The following MAPK10 variants were observed in gnomAD, a reference collection of about 807,000 sequenced individuals.
MAPK10 encodes mitogen-activated protein kinase 10.
MAPK10 carries 25 observed loss-of-function variants against 59.3 expected under a neutral mutation model. That is an observed-to-expected ratio of 0.42 (90% CI 0.31 to 0.59). The LOEUF is 0.59. Among genes scored for constraint, MAPK10 ranks in the 20% least tolerant of loss-of-function variants. The pLI is 0.15. For missense variants in MAPK10, 351 were observed against 568.9 expected (o/e 0.62, Z 3.90); for synonymous variants, 190 against 200.5 (o/e 0.95, Z 0.44).
intron 9 of MAPK10, chr4:86,081,538 T>C (rs2050656166): frequency 6.6e-6 from 1 of 152,042 alleles, no homozygotes; most frequent in Non-Finnish European, 1.5e-5. Context: ...TGTTCATTCT[T>C]TGTTTATAAA....
At chr4:86,172,735 T>C (rs1398482964) in intron 3 of MAPK10, among the ~76,000 whole-genome samples, 1 of 150,024 alleles carries the variant, frequency 6.7e-6, no homozygotes, top group African/African-American at 2.4e-5. Context: ...AATAATAAAA[T>C]TGTAAAGAAA....
At chr4:86,545,948 C>A (rs1221728787) in intron 1 of MAPK10, among the ~76,000 whole-genome samples, 3 of 152,182 alleles carry the variant, frequency 2.0e-5, no homozygotes, top group Admixed American at 2.0e-4. Flanking sequence ...ATGCAGGGCT[C>A]CTTGTTCAAA....
intron 2 of MAPK10, among the ~76,000 whole-genome samples, chr4:86,245,031 TA>T (rs1306599374): frequency 6.6e-6 from 1 of 152,208 alleles, no homozygotes; most frequent in African/African-American, 2.4e-5. Context: ...TAAACATTAA[TA>T]TAGCTATCTC....
intron 2 of MAPK10, among the ~76,000 whole-genome samples, chr4:86,247,472 A>C (rs1318770452): frequency 1.3e-5 from 2 of 152,226 alleles, no homozygotes; most frequent in Non-Finnish European, 2.9e-5. Context: ...TTAATTGGAC[A>C]AAGATTTATT....
intron 2 of MAPK10, among the ~76,000 whole-genome samples, chr4:86,312,331 A>ACT (rs1272299138): frequency 1.3e-5 from 2 of 151,972 alleles, no homozygotes; most frequent in Non-Finnish European, 2.9e-5. Flanking sequence ...GCTTTCTTGG[A>ACT]CTCTATATAC....
chr4:86,017,422 C>G lies in MAPK10; in HGVS notation c.1253-52G>C, dbSNP rs1553904613. 6.2e-7 allele frequency: 1 copy of G among 1,603,750 alleles called. No individual in the cohort carries two copies. Among genetic ancestry groups the G allele is most frequent in the Non-Finnish European group, 8.5e-7 (1 of 1,172,932 alleles). On this transcript the variant is annotated intron_variant, in intron 13 of 13. Transcript: ENST00000641462. The surrounding 1 kb of genome is among the most constrained non-coding windows in gnomAD (Gnocchi z 4.4). ...TGACTCAATCTAGAACCAGACCCATCTTAATGCCATTCAGGATTCAGGGAT... is the reference window on the plus strand; with the variant it reads ...TGACTCAATCTAGAACCAGACCCATGTTAATGCCATTCAGGATTCAGGGAT...
At position 86,329,405 on chromosome 4, in the gene MAPK10, T is replaced by C. The variant is rs2096099029; in HGVS notation, c.-7+25125A>G. 5.3e-5 allele frequency among the ~76,000 whole-genome samples: 8 copies of C among 152,362 alleles called. No individual in the cohort carries two copies. In the South Asian group the frequency reaches 1.7e-3, roughly 32 times the overall value. ...ACCCTTTTTTATATTTTTATTATTA[T>C]AGAGATTAAAACTACATTTAATCTA... On this transcript the variant is annotated intron_variant, in intron 2 of 13. Transcript: ENST00000641462.
chr4:86,077,892 G>A (rs553027618), intron 9 of MAPK10, among the ~76,000 whole-genome samples: 1 of 152,256 alleles, frequency 6.6e-6, no homozygotes, highest in African/African-American at 2.4e-5. Context: ...TATTAGCTTC[G>A]TAGGAAAGAA....
At chr4:86,540,492 C>T (rs1292563783) in intron 1 of MAPK10, among the ~76,000 whole-genome samples, 1 of 151,870 alleles carries the variant, frequency 6.6e-6, no homozygotes, top group Non-Finnish European at 1.5e-5. Context: ...AGAGTGAGAC[C>T]CTGTCTCAAA....
intron 1 of MAPK10, among the ~76,000 whole-genome samples, chr4:86,431,420 G>A (rs1328621976): frequency 4.6e-5 from 7 of 152,106 alleles, no homozygotes; most frequent in African/African-American, 1.7e-4. Context: ...ATGCCAGTTT[G>A]GCAGTTTAGA....
rs1358159098 is a variant in MAPK10 at position 86,064,250 on chromosome 4, G to A, written c.1110+16C>T. The A allele has an allele frequency of 1.9e-6, 3 of 1,613,428 alleles. No homozygotes were observed. Among genetic ancestry groups the A allele is most frequent in the Middle Eastern group, 3.3e-4 (2 of 6,056 alleles). ...ATTTGTTTGTGGAAGCAAAGTAAAGGCAGCCTATTTCTTACCGCCTCCACT... is the reference window on the plus strand; with the variant it reads ...ATTTGTTTGTGGAAGCAAAGTAAAGACAGCCTATTTCTTACCGCCTCCACT... On this transcript the variant is annotated intron_variant, in intron 11 of 13. Transcript: ENST00000641462.
chr4:86,236,518 G>C (rs1052823084), intron 2 of MAPK10, among the ~76,000 whole-genome samples: 1 of 152,204 alleles, frequency 6.6e-6, no homozygotes, highest in South Asian at 2.1e-4. Context: ...AGGAGACTGT[G>C]TTCCAAAACA....
intron 4 of MAPK10, among the ~76,000 whole-genome samples, chr4:86,157,964 C>G (rs1255590586): frequency 2.0e-5 from 3 of 151,828 alleles, no homozygotes; most frequent in African/African-American, 7.3e-5. Context: ...GAATCTTAGT[C>G]AGGAAAACTT....
intron 1 of MAPK10, among the ~76,000 whole-genome samples, chr4:86,413,390 T>C (rs1183461134): frequency 1.3e-5 from 2 of 152,176 alleles, no homozygotes; most frequent in African/African-American, 4.8e-5. Context: ...AGGCAGTCTG[T>C]CCAATCTTGG....
chr4:86,445,113 T>C (rs774434309), intron 1 of MAPK10, among the ~76,000 whole-genome samples: 2 of 152,170 alleles, frequency 1.3e-5, no homozygotes. Flanking sequence ...CAAAGATACA[T>C]GCACACATAT....
chr4:86,293,931 C>T (rs183012700), intron 2 of MAPK10, among the ~76,000 whole-genome samples: 3 of 152,260 alleles, frequency 2.0e-5, no homozygotes, highest in East Asian at 3.9e-4. Flanking sequence ...CATGGGATTC[C>T]GAGGAGACAA....
chr4:86,417,990 C>A (rs1746068197), intron 1 of MAPK10, among the ~76,000 whole-genome samples: 1 of 152,186 alleles, frequency 6.6e-6, no homozygotes, highest in Non-Finnish European at 1.5e-5. Flanking sequence ...TGAACTAACC[C>A]TTTTCTCTGA....
intron 2 of MAPK10, among the ~76,000 whole-genome samples, chr4:86,216,256 C>T (rs1204559713): frequency 1.4e-5 from 2 of 137,972 alleles, no homozygotes; most frequent in Non-Finnish European, 3.1e-5. Flanking sequence ...GCAAAATGTG[C>T]TATATATATA....
At chr4:86,564,492 T>C (rs1230127986) in intron 1 of MAPK10, among the ~76,000 whole-genome samples, 1 of 152,148 alleles carries the variant, frequency 6.6e-6, no homozygotes, top group East Asian at 1.9e-4. Context: ...AGATATAGTA[T>C]ACAACTGAAA....
Sources: allele counts gnomAD v4.1 joint callset (sites outside exome capture counted in the v4.1 genomes callset), GRCh38; gene constraint gnomAD v4.1.1; non-coding constraint Gnocchi (gnomAD v3.1); transcripts MANE v1.5; gene names NCBI Gene and HGNC (gene_info 2026-07-23, HGNC 2026-07-21).